The following TSC2 variants were observed in gnomAD, a reference collection of about 807,000 sequenced individuals.
The protein encoded by TSC2 is tuberin.
TSC2 carries 29 observed loss-of-function variants against 202.2 expected under a neutral mutation model. The observed-to-expected ratio is 0.14, with a 90% CI of 0.11 to 0.20. The LOEUF (loss-of-function observed/expected upper bound fraction) is 0.20, where lower values mean the gene tolerates loss of function less well. Among genes scored for constraint, TSC2 ranks in the 10% least tolerant of loss-of-function variants. TSC2 has a pLI of 1.00. For missense variants in TSC2, 2,429 were observed against 2,420.0 expected, an observed-to-expected ratio of 1.00 and a Z score of -0.08; for synonymous variants, 1,349 against 1,044.0, an observed-to-expected ratio of 1.29 and a Z score of -5.63.
intron 15 of TSC2, 189 bp downstream of exon 15, chr16:2,064,616 C>T: frequency 1.2e-6 from 1 of 852,170 alleles, no homozygotes; most frequent in South Asian, 1.6e-5. Flanking sequence ...TGTGTCCTGA[C>T]TGAAAGTCCT....
chr16:2,085,104 T>C (rs1029962269), intron 35 of TSC2, 78 bp downstream of exon 35: 11 of 1,605,746 alleles, frequency 6.9e-6, no homozygotes, highest in Non-Finnish European at 9.4e-6. Context: ...GCTCTGCTGC[T>C]GGGAGCTCAG....
intron 11 of TSC2, 45 bp downstream of exon 11, chr16:2,060,858 A>C: frequency 6.2e-7 from 1 of 1,608,064 alleles, no homozygotes; most frequent in Non-Finnish European, 8.5e-7. Flanking sequence ...GAACCCAGAC[A>C]GGCAGGCTCG....
intron 38 of TSC2, among the ~76,000 whole-genome samples, chr16:2,087,495 G>T (rs868224699): frequency 3.3e-5 from 5 of 151,894 alleles, no homozygotes; most frequent in African/African-American, 1.2e-4. Context: ...TGGGGGGGGG[G>T]GGGCACCTGG....
chr16:2,054,482 A>G, intron 5 of TSC2, 42 bp downstream of exon 5: 1 of 1,613,172 alleles, frequency 6.2e-7, no homozygotes, highest in Non-Finnish European at 8.5e-7. Flanking sequence ...GGCCTTGACG[A>G]TCAAGTGTAA....
At chr16:2,078,744 G>A (rs1454264361) in intron 26 of TSC2, 24 of 497,354 alleles carry the variant, frequency 4.8e-5, no homozygotes, top group Middle Eastern at 5.6e-4. Flanking sequence ...CCAGGAGGCC[G>A]TAACCTAGTG....
At chr16:2,066,559 C>T (rs538897684) in intron 16 of TSC2, 2 of 151,584 alleles carry the variant, frequency 1.3e-5, no homozygotes, top group African/African-American at 4.8e-5. Flanking sequence ...GTTTAGTCTG[C>T]ATTTGGTGTT....
rs374737278 is a variant in TSC2 at position 2,088,150 on chromosome 16, G to T, written c.5160+11G>T. 1 of 1,613,040 alleles carries T rather than the reference G, an allele frequency of 6.2e-7. No individual in the cohort carries two copies. The highest frequency in any genetic ancestry group is 8.5e-7 in the Non-Finnish European group (1 of 1,180,016). On this transcript the variant is annotated intron_variant, in intron 40 of 41. Coordinates refer to ENST00000219476, the MANE Select transcript of TSC2 (RefSeq NM_000548.5). ...GCCCTGCACGCAAATGTGAGTGGGG[G>T]TGGGTCCAGGCGTGAGCTGGTGGGA...
intron 11 of TSC2, chr16:2,061,047 G>C (rs1567425033): frequency 1.0e-5 from 6 of 582,146 alleles, no homozygotes; most frequent in African/African-American, 5.6e-5. Flanking sequence ...TAGGTGAGCC[G>C]GGGCTGGGCC....
At chr16:2,073,622 C>T (rs2088827543) in intron 21 of TSC2, among the ~76,000 whole-genome samples, 2 of 152,240 alleles carry the variant, frequency 1.3e-5, no homozygotes, top group African/African-American at 4.8e-5. Flanking sequence ...CTCAGCCCCA[C>T]CCTGTTGGGC....
At chr16:2,061,749 G>A (rs563661519) in intron 11 of TSC2, 122 bp from the exon 12 acceptor site, 37 of 1,535,706 alleles carry the variant, frequency 2.4e-5, no homozygotes, top group Middle Eastern at 3.8e-4. Context: ...GTCCCCATGC[G>A]GCCCAGAGCG....
At chr16:2,061,017 C>T (rs1202862359) in intron 11 of TSC2, 7 of 670,852 alleles carry the variant, frequency 1.0e-5, no homozygotes, top group Admixed American at 7.4e-5. Context: ...ATCGTTTAGG[C>T]CCCAGACAGG....
rs1060500923 is a variant in TSC2 at position 2,079,601 on chromosome 16, C to G, written c.3329C>G (p.Ala1110Gly). 9.9e-6 allele frequency: 16 copies of G among 1,611,538 alleles called. No homozygotes were observed. Among genetic ancestry groups the G allele is most frequent in the Non-Finnish European group, 1.4e-5 (16 of 1,179,522 alleles). Residue 1110 changes from alanine (A) to glycine (G), a missense_variant, in exon 29 of 42, where the codon GCC becomes GGC. Transcript: ENST00000219476. The surrounding 1 kb of genome is among the most constrained non-coding windows in gnomAD (Gnocchi z 4.6). ...GTGAGACAGACCAAGGAGGCGCCGGCCAAGCTGGAGTCCCAGGCTGGGCAG... is the reference window on the plus strand; with the variant it reads ...GTGAGACAGACCAAGGAGGCGCCGGGCAAGCTGGAGTCCCAGGCTGGGCAG... ...VHVRQTKEAPAKLESQAGQQV... is the reference protein window; with the variant it reads ...VHVRQTKEAPGKLESQAGQQV...
Position 2,074,192 on chromosome 16 carries a change from T to G in TSC2, c.2356-8T>G. 6.2e-7 allele frequency: 1 copy of G among 1,610,772 alleles called. No individual in the cohort carries two copies. The highest frequency in any genetic ancestry group is 8.5e-7 in the Non-Finnish European group (1 of 1,179,864). On this transcript the variant is annotated splice_region_variant and splice_polypyrimidine_tract_variant and intron_variant, in intron 21 of 41. Transcript: ENST00000219476. ...CGGGTGGGGCCTGAGGTGTCCTGTCTCCTGCAGCGCGAGATGGTCTACTGC... is the reference window on the plus strand; with the variant it reads ...CGGGTGGGGCCTGAGGTGTCCTGTCGCCTGCAGCGCGAGATGGTCTACTGC...
chr16:2,088,458 G>A lies in TSC2; in HGVS notation c.5272G>A (p.Ala1758Thr), dbSNP rs1555441169. The change falls in exon 42 of 42, where the codon GCC becomes ACC. Residue 1758 changes from alanine (A) to threonine (T), a missense_variant. By Grantham distance (58) the Ala-to-Thr change is moderately conservative. Transcript: ENST00000219476. ...KRLRQRICEE[A>T]AYSNPSLPLV... ...CCTCTGCCTTCAGATCTGCGAGGAA[G>A]CCGCCTACTCCAACCCCAGCCTACC... is the stretch of plus-strand genomic sequence containing the variant. The A allele has an allele frequency of 1.9e-6, 3 of 1,612,828 alleles. No homozygotes were observed. Among genetic ancestry groups the A allele is most frequent in the Non-Finnish European group, 2.5e-6 (3 of 1,180,026 alleles).
At position 2,088,635 on chromosome 16, in the gene TSC2, G is replaced by A. The variant is rs748394239; in HGVS notation, c.*25G>A. ...AGGCCGGGGCCCTCCCTCCTGCACT[G>A]GCCTTGGACGGTATTGCCTGTCAGT... is the stretch of plus-strand genomic sequence containing the variant. On this transcript the variant is annotated 3_prime_UTR_variant, in exon 42 of 42. Coordinates refer to ENST00000219476, the MANE Select transcript of TSC2 (RefSeq NM_000548.5). The A allele has an allele frequency of 6.3e-7, 1 of 1,592,566 alleles. No individual in the cohort carries two copies. Among genetic ancestry groups the A allele is most frequent in the East Asian group, 2.3e-5 (1 of 44,284 alleles).
At chr16:2,065,285 C>A (rs536906796) in intron 15 of TSC2, 4 of 504,594 alleles carry the variant, frequency 7.9e-6, no homozygotes, top group African/African-American at 7.7e-5. Flanking sequence ...TGGTGGCGGG[C>A]GCCTGTAGTC....
chr16:2,077,768 G>A (rs767514069), intron 26 of TSC2, 42 bp downstream of exon 26: 9 of 1,607,312 alleles, frequency 5.6e-6, no homozygotes, highest in Admixed American at 5.0e-5. Flanking sequence ...CCTGGAGCTT[G>A]GCCCCGTGAG....
intron 15 of TSC2, chr16:2,065,232 T>C (rs2087164628): frequency 2.6e-6 from 1 of 384,292 alleles, no homozygotes; most frequent in Non-Finnish European, 4.9e-6. Context: ...GCTAACACGG[T>C]GAAACCCCAT....
At chr16:2,087,829 T>C (rs2151609606) in intron 38 of TSC2, 34 bp from the exon 39 acceptor site, 1 of 1,610,450 alleles carries the variant, frequency 6.2e-7, no homozygotes, top group Non-Finnish European at 8.5e-7. Context: ...GCACACGCTG[T>C]GTGCGGGGAT....
Sources: gnomAD v4.1 joint callset for allele counts (sites outside exome capture counted in the v4.1 genomes callset) on GRCh38, gnomAD v4.1.1 for gene constraint, Gnocchi (gnomAD v3.1) non-coding constraint, MANE v1.5 for transcripts, NCBI Gene and HGNC (gene_info 2026-07-23, HGNC 2026-07-21) for gene names.